The following MICU1 variants were observed in gnomAD, a reference collection of about 807,000 sequenced individuals.
MICU1 encodes the protein mitochondrial calcium uptake 1.
MICU1 carries 45 observed loss-of-function variants against 56.8 expected under a neutral mutation model. The ratio of observed to expected loss-of-function variants is 0.79; its 90% CI spans 0.62 to 1.02. The LOEUF is 1.02. Ranked by LOEUF, MICU1 falls within the 50% of genes least tolerant of loss-of-function variation. The pLI is 0.00. For synonymous variants in MICU1, 186 were observed against 195.1 expected, an observed-to-expected ratio of 0.95 and a Z score of 0.39; for missense variants, 504 against 587.1, an observed-to-expected ratio of 0.86 and a Z score of 1.46.
At chr10:72,443,145 T>C (rs1233533186) in intron 8 of MICU1, among the ~76,000 whole-genome samples, 1 of 152,168 alleles carries the variant, frequency 6.6e-6, no homozygotes, top group Non-Finnish European at 1.5e-5. Flanking sequence ...TTTTCATGTG[T>C]TTTTTGGCTG....
At chr10:72,577,981 G>A (rs1368999011) in intron 1 of MICU1, among the ~76,000 whole-genome samples, 1 of 152,146 alleles carries the variant, frequency 6.6e-6, no homozygotes, top group Non-Finnish European at 1.5e-5. Context: ...AGCAGGGTTT[G>A]GGAGAACTGA....
chr10:72,500,032 A>G (rs1450065999), intron 6 of MICU1, among the ~76,000 whole-genome samples: 2 of 151,974 alleles, frequency 1.3e-5, no homozygotes, highest in Non-Finnish European at 1.5e-5. Context: ...AAATCTGGCT[A>G]CTGTGAAAAC....
intron 1 of MICU1, among the ~76,000 whole-genome samples, chr10:72,600,485 C>T (rs1841498592): frequency 1.3e-5 from 2 of 151,482 alleles, no homozygotes; most frequent in African/African-American, 4.9e-5. Context: ...CCCATCTCTA[C>T]TGAAAATATA....
rs2132372495 is a variant in MICU1, at chr10:72,517,747, A to G, written c.538-9478T>C. ...AAAGAACTTACTCATGGAACCAAATACCACCTGTTCCCCAAAAACCTATGG... is the reference window on the plus strand; with the variant it reads ...AAAGAACTTACTCATGGAACCAAATGCCACCTGTTCCCCAAAAACCTATGG... On this transcript the variant is annotated intron_variant, in intron 5 of 11. Transcript: ENST00000361114. Among the ~76,000 whole-genome samples the G allele has an allele frequency of 1.3e-5, 2 of 151,674 alleles. 1 individual carries two copies. The highest frequency in any genetic ancestry group is 4.2e-4 in the South Asian group (2 of 4,790).
chr10:72,569,534 C>G (rs932594325), intron 1 of MICU1, among the ~76,000 whole-genome samples: 3 of 151,726 alleles, frequency 2.0e-5, no homozygotes, highest in African/African-American at 2.4e-5. Context: ...CACACCCGGC[C>G]TAAAATTATA....
chr10:72,500,303 T>TAA (rs1388516520), intron 6 of MICU1, among the ~76,000 whole-genome samples: 2 of 4,776 alleles, frequency 4.2e-4, no homozygotes, highest in Non-Finnish European at 6.7e-4. Context: ...TATATATATA[T>TAA]TTTTTTTTTT....
chr10:72,374,754 C>G (rs563290676), intron 11 of MICU1, among the ~76,000 whole-genome samples: 1 of 147,642 alleles, frequency 6.8e-6, no homozygotes, highest in African/African-American at 2.5e-5. Flanking sequence ...GTAAATAAAA[C>G]AGAGGGGGCA....
At chr10:72,464,281 G>T (rs1050471310) in intron 8 of MICU1, among the ~76,000 whole-genome samples, 1 of 128,846 alleles carries the variant, frequency 7.8e-6, no homozygotes, top group Non-Finnish European at 1.6e-5. Context: ...GGGTGACAGA[G>T]TGAGATTCTG....
intron 8 of MICU1, among the ~76,000 whole-genome samples, chr10:72,453,048 T>C (rs1328637789): frequency 3.3e-5 from 5 of 152,158 alleles, no homozygotes; most frequent in African/African-American, 4.8e-5. Context: ...CTGGGCCCAG[T>C]TGACAAAGTG....
intron 5 of MICU1, among the ~76,000 whole-genome samples, chr10:72,526,447 C>CTG (rs1441923408): frequency 6.6e-6 from 1 of 152,122 alleles, no homozygotes; most frequent in Non-Finnish European, 1.5e-5. Flanking sequence ...AGGCGCCTGC[C>CTG]ACCAAGCCCA....
At position 72,566,742 on chromosome 10, in the gene MICU1, G is replaced by A. The variant is rs746453954; in HGVS notation, c.52C>T (p.Arg18Ter). 10 of 1,612,374 alleles carry A rather than the reference G, an allele frequency of 6.2e-6. No individual in the cohort carries two copies. Among genetic ancestry groups the A allele is most frequent in the African/African-American group, 4.0e-5 (3 of 74,852 alleles). Residue 18 changes from arginine (R) to a stop codon, truncating the protein, a stop_gained, in exon 2 of 12, where the codon CGA becomes TGA. Coordinates refer to ENST00000361114, the MANE Select transcript of MICU1 (RefSeq NM_001195518.2). LOFTEE classifies it high-confidence loss of function. ...GGCTGTGATCCTCCATGGTACCATCGAGAACCCACAGCCAGTTCTGCCAAA... is the reference window on the plus strand; with the variant it reads ...GGCTGTGATCCTCCATGGTACCATCAAGAACCCACAGCCAGTTCTGCCAAA... ...SALAELAVGS[R>*]WYHGGSQPIQ...
chr10:72,600,896 G>A (rs549208755), intron 1 of MICU1, among the ~76,000 whole-genome samples: 46 of 152,232 alleles, frequency 3.0e-4, no homozygotes, highest in South Asian at 1.0e-3. Context: ...GGGAACTACT[G>A]TAAACAGCAT....
intron 9 of MICU1, among the ~76,000 whole-genome samples, chr10:72,415,729 A>T (rs937904276): frequency 6.6e-6 from 1 of 152,150 alleles, no homozygotes; most frequent in Non-Finnish European, 1.5e-5. Flanking sequence ...CTTCCTAAGA[A>T]TCTTAGGCTG....
Position 72,525,449 on chromosome 10 carries a change from G to C in MICU1, c.537+8297C>G, listed in dbSNP as rs551163711. On this transcript the variant is annotated intron_variant, in intron 5 of 11. Transcript: ENST00000361114. ...GAGCCCAAGGGATTTTACGGCACAG[G>C]AATGAGATGAATCACTGTGAACACA... Among the ~76,000 whole-genome samples the C allele has an allele frequency of 3.3e-5, 5 of 152,278 alleles. No individual in the cohort carries two copies. The South Asian group carries it at 1.0e-3, about 32-fold the overall frequency.
In MICU1 at chr10:72,477,276, A is replaced by C. The variant is rs1321153358; in HGVS notation, c.653-20T>G. 3 of 1,516,324 alleles carry C rather than the reference A, an allele frequency of 2.0e-6. No individual in the cohort carries two copies. In the African/African-American group the frequency reaches 4.2e-5, roughly 21 times the overall value. The allele number at this position is 1,516,324 out of a possible 1,614,324, so 93.9% of individuals were successfully genotyped here. On this transcript the variant is annotated intron_variant, in intron 6 of 11. Coordinates refer to ENST00000361114, the MANE Select transcript of MICU1 (RefSeq NM_001195518.2). ...GAGGAGCTGCAGAGGAGAGAAAAAA[A>C]ATATTTAGAAGGCATTGACCAAAAA...
At chr10:72,611,969 T>G (rs1467326079) in intron 1 of MICU1, among the ~76,000 whole-genome samples, 2 of 139,018 alleles carry the variant, frequency 1.4e-5, no homozygotes, top group Non-Finnish European at 3.0e-5. Flanking sequence ...CACTCCTGCC[T>G]GAGCAACACA....
At chr10:72,376,091 G>C (rs924206694) in intron 10 of MICU1, among the ~76,000 whole-genome samples, 1 of 151,954 alleles carries the variant, frequency 6.6e-6, no homozygotes, top group Non-Finnish European at 1.5e-5. Flanking sequence ...AGAACTTCAA[G>C]ACCAGCCTGG....
intron 1 of MICU1, among the ~76,000 whole-genome samples, chr10:72,592,693 A>G (rs1589373668): frequency 6.6e-6 from 1 of 152,328 alleles, no homozygotes; most frequent in East Asian, 1.9e-4. Flanking sequence ...TTAATGCAAT[A>G]TACAACATTA....
chr10:72,614,060 C>T (rs1157043227), intron 1 of MICU1, among the ~76,000 whole-genome samples: 1 of 152,088 alleles, frequency 6.6e-6, no homozygotes, highest in East Asian at 1.9e-4. Flanking sequence ...AGAAGAATTG[C>T]TTGAACCAGG....
Sources: gnomAD v4.1 joint callset for allele counts (sites outside exome capture counted in the v4.1 genomes callset) on GRCh38, gnomAD v4.1.1 for gene constraint, MANE v1.5 for transcripts, NCBI Gene and HGNC (gene_info 2026-07-23, HGNC 2026-07-21) for gene names.